PDE1A: variants seen among roughly 807,000 people sequenced by gnomAD.
PDE1A encodes dual specificity calcium/calmodulin-dependent 3',5'-cyclic nucleotide phosphodiesterase 1A.
In PDE1A, 35 loss-of-function variants were observed where a neutral mutation model predicts 61.7. That is an observed-to-expected ratio of 0.57 (90% CI 0.43 to 0.75). The LOEUF is 0.75. PDE1A is among the 30% of genes least tolerant of loss of function. The pLI is 0.00. For synonymous variants in PDE1A, 232 were observed against 213.2 expected (o/e 1.09, Z -0.77); for missense variants, 597 against 630.6 (o/e 0.95, Z 0.57).
the PDE1A span, among the ~76,000 whole-genome samples, chr2:182,577,992 G>GGAAGGAAGGAAGGAAGGAAC: frequency 6.7e-6 from 1 of 148,222 alleles, no homozygotes; most frequent in African/African-American, 2.5e-5. Flanking sequence ...AAGGAAGGAA[G>GGAAGGAAGGAAGGAAGGAAC]GGACGGAGGG....
the PDE1A span, among the ~76,000 whole-genome samples, chr2:182,609,459 C>T: frequency 6.6e-6 from 1 of 152,220 alleles, no homozygotes; most frequent in African/African-American, 2.4e-5. Flanking sequence ...TCGTTGGGTC[C>T]ACACTTCCTT....
At chr2:182,169,072 A>G (rs1691880004) in intron 13 of PDE1A, among the ~76,000 whole-genome samples, 1 of 152,076 alleles carries the variant, frequency 6.6e-6, no homozygotes, top group Non-Finnish European at 1.5e-5. Flanking sequence ...TAATATAAAT[A>G]TCATAAATAA....
chr2:182,416,199 A>G (rs1042908762), intron 1 of PDE1A, among the ~76,000 whole-genome samples: 1 of 152,218 alleles, frequency 6.6e-6, no homozygotes, highest in African/African-American at 2.4e-5. Flanking sequence ...CCTACAAATT[A>G]TCATTATTCA....
At chr2:182,511,700 G>C (rs1689804555) in intron 2 of PDE1A, among the ~76,000 whole-genome samples, 1 of 152,190 alleles carries the variant, frequency 6.6e-6, no homozygotes, top group Admixed American at 6.5e-5. Context: ...TTCCCCATGA[G>C]ACAGAGCCAA....
At chr2:182,511,703 AG>A (rs1352724124) in intron 2 of PDE1A, among the ~76,000 whole-genome samples, 1 of 152,170 alleles carries the variant, frequency 6.6e-6, no homozygotes, top group Non-Finnish European at 1.5e-5. Context: ...CCCATGAGAC[AG>A]AGCCAATCTG....
At chr2:182,289,622 G>A (rs1325060623) in intron 1 of PDE1A, among the ~76,000 whole-genome samples, 2 of 152,050 alleles carry the variant, frequency 1.3e-5, no homozygotes, top group African/African-American at 4.8e-5. Flanking sequence ...CTTTTAACAG[G>A]AAGGACATTT....
At chr2:182,328,114 A>C (rs1697165168) in intron 1 of PDE1A, among the ~76,000 whole-genome samples, 1 of 152,206 alleles carries the variant, frequency 6.6e-6, no homozygotes, top group Non-Finnish European at 1.5e-5. Context: ...TGAAATAAGA[A>C]GCAAAGTCAC....
At chr2:182,635,542 C>T in the PDE1A span, among the ~76,000 whole-genome samples, 2 of 152,074 alleles carry the variant, frequency 1.3e-5, no homozygotes, top group African/African-American at 4.8e-5. Context: ...TTAACCAGTA[C>T]ATCTTATGGA....
At chr2:182,145,072 A>T (rs1374996626), downstream of PDE1A, among the ~76,000 whole-genome samples, 1 of 152,132 alleles carries the variant, frequency 6.6e-6, no homozygotes, top group Non-Finnish European at 1.5e-5. Context: ...CATTTCCCTC[A>T]TTTAAAAGAC....
intron 2 of PDE1A, among the ~76,000 whole-genome samples, chr2:182,499,563 G>A (rs1442324636): frequency 2.0e-5 from 3 of 152,066 alleles, no homozygotes; most frequent in African/African-American, 7.2e-5. Context: ...GCAGAAATAA[G>A]AAAAATTCCT....
chr2:182,686,448 G>A, the PDE1A span, among the ~76,000 whole-genome samples: 2 of 152,052 alleles, frequency 1.3e-5, no homozygotes, highest in South Asian at 2.1e-4. Context: ...CAGAATTAAG[G>A]TTGCCTTTAA....
chr2:182,555,764 G>A, the PDE1A span, among the ~76,000 whole-genome samples: 1 of 151,794 alleles, frequency 6.6e-6, no homozygotes, highest in Non-Finnish European at 1.5e-5. Flanking sequence ...TCAGGAGTTG[G>A]AGACCAGCCT....
At chr2:182,262,643 A>T (rs974948982) in intron 2 of PDE1A, among the ~76,000 whole-genome samples, 11 of 152,200 alleles carry the variant, frequency 7.2e-5, no homozygotes, top group Non-Finnish European at 1.2e-4. Flanking sequence ...CAAAGAAAGA[A>T]TCGCTTGTGC....
At chr2:182,275,750 C>A (rs954719012) in intron 1 of PDE1A, among the ~76,000 whole-genome samples, 1 of 152,064 alleles carries the variant, frequency 6.6e-6, no homozygotes, top group Non-Finnish European at 1.5e-5. Context: ...CATTAGACAT[C>A]AACTAGATTT....
Position 182,158,335 on chromosome 2 carries a change from T to C in PDE1A, c.1517-11183A>G, listed in dbSNP as rs1158213312. On this transcript the variant is annotated intron_variant, in intron 13 of 13. Transcript: ENST00000409365. Reference sequence around the variant, plus strand: ...TCATGTAACAGGTTAACTGTCCTGATGGAGGCAAACTTATTTAATATAAGT... The same window carrying C: ...TCATGTAACAGGTTAACTGTCCTGACGGAGGCAAACTTATTTAATATAAGT... 3.3e-5 allele frequency among the ~76,000 whole-genome samples: 5 copies of C among 152,224 alleles called. No individual in the cohort carries two copies. In the East Asian group the frequency reaches 9.6e-4, roughly 29 times the overall value.
chr2:182,349,397 A>G (rs1698721689), intron 1 of PDE1A, among the ~76,000 whole-genome samples: 3 of 152,216 alleles, frequency 2.0e-5, no homozygotes. Context: ...GATCTTAACT[A>G]CAACAACAAA....
In PDE1A at chr2:182,201,426, G is replaced by A. The variant is rs376923634; in HGVS notation, c.1125+13C>T. On this transcript the variant is annotated intron_variant, in intron 10 of 13. Coordinates refer to ENST00000351439, the Ensembl canonical transcript of PDE1A. ...ATTTCCAAAAACATTTGCACAGAGT[G>A]TGAAAGAGGCACCTGCAGGAAAAAC... The A allele has an allele frequency of 3.4e-4, 548 of 1,613,342 alleles. No individual in the cohort carries two copies. The highest frequency in any genetic ancestry group is 4.4e-4 in the Non-Finnish European group (517 of 1,179,668).
chr2:182,661,827 G>C, the PDE1A span, among the ~76,000 whole-genome samples: 1 of 152,002 alleles, frequency 6.6e-6, no homozygotes, highest in African/African-American at 2.4e-5. Flanking sequence ...CAGGTACCTA[G>C]AAATAAATGT....
intron 2 of PDE1A, among the ~76,000 whole-genome samples, chr2:182,488,751 A>G (rs891992888): frequency 7.2e-5 from 11 of 152,364 alleles, no homozygotes; most frequent in African/African-American, 1.4e-4. Flanking sequence ...TCCAATGCCT[A>G]TAAGTGTGTG....
Sources: gnomAD v4.1 joint callset for allele counts (sites outside exome capture counted in the v4.1 genomes callset) on GRCh38, gnomAD v4.1.1 for gene constraint, MANE v1.5 for transcripts, NCBI Gene and HGNC (gene_info 2026-07-23, HGNC 2026-07-21) for gene names.